GDAP2: variants seen among roughly 807,000 people sequenced by gnomAD.
The protein encoded by GDAP2 is ganglioside induced differentiation associated protein 2.
A neutral mutation model predicts 67.0 loss-of-function variants in GDAP2; 51 were observed. That is an observed-to-expected ratio of 0.76 (90% CI 0.61 to 0.96). The LOEUF is 0.96. GDAP2 is among the 40% of genes least tolerant of loss of function. GDAP2 has a pLI of 0.00. For synonymous variants in GDAP2, 203 were observed against 207.3 expected (o/e 0.98, Z 0.18); for missense variants, 547 against 588.3 (o/e 0.93, Z 0.73).
intron 11 of GDAP2, chr1:117,882,886 A>G (rs1241188127): frequency 6.6e-6 from 1 of 152,220 alleles, no homozygotes; most frequent in Non-Finnish European, 1.5e-5. Context: ...AGGAGGGTTG[A>G]GTGCCACTTT....
At position 117,867,527 on chromosome 1, in the gene GDAP2, GAAAAA is replaced by G. The variant is rs745964438; in HGVS notation, c.*3037_*3041del. 3.7e-5 allele frequency: 3 copies of G among 80,134 alleles called. No homozygotes were observed. The highest frequency in any genetic ancestry group is 7.2e-5 in the Non-Finnish European group (3 of 41,394). The allele number at this position is 80,134 out of a possible 1,614,324, so 5.0% of individuals were successfully genotyped here. ...AACATGGTGAAACCCTGTCTCTACT[GAAAAA>G]AAAAAAAAAAAAAAAAAAAATTAGC... is the stretch of plus-strand genomic sequence containing the variant. On this transcript the variant is annotated 3_prime_UTR_variant, in exon 14 of 14. Coordinates refer to ENST00000369443, the MANE Select transcript of GDAP2 (RefSeq NM_017686.4).
intron 4 of GDAP2, among the ~76,000 whole-genome samples, 184 bp downstream of exon 4, chr1:117,912,346 A>G (rs1399990063): frequency 1.3e-5 from 2 of 152,174 alleles, no homozygotes; most frequent in African/African-American, 4.8e-5. Context: ...AATCTATCCC[A>G]TTTATCCCGC....
In GDAP2 at chr1:117,883,541, G is replaced by C; in HGVS notation, c.1194C>G (p.Tyr398Ter). 3 of 1,610,062 alleles carry C rather than the reference G, an allele frequency of 1.9e-6. No homozygotes were observed. Among genetic ancestry groups the C allele is most frequent in the Non-Finnish European group, 2.5e-6 (3 of 1,176,588 alleles). ...LVYFHTLTSE[Y>*]NHLDSDFLKK... ...TCAGGAAGTCGGAGTCCAGGTGATT[G>C]TATTCGCTGGTCAGGGTGTGAAAAT... Residue 398 changes from tyrosine to a stop codon, truncating the protein, a stop_gained, in exon 11 of 14, where the codon TAC (tyrosine) becomes TAG (stop). Transcript: ENST00000369443. LOFTEE classifies it high-confidence loss of function.
intron 13 of GDAP2, chr1:117,877,179 G>T: frequency 1.9e-6 from 1 of 513,206 alleles, no homozygotes; most frequent in Non-Finnish European, 2.5e-6. Flanking sequence ...GCACATAAGG[G>T]GAAAAAAATT....
At chr1:117,928,308 C>A (rs1650533224) in intron 1 of GDAP2, among the ~76,000 whole-genome samples, 1 of 152,200 alleles carries the variant, frequency 6.6e-6, no homozygotes, top group South Asian at 2.1e-4. Context: ...ATTGATGTCA[C>A]TTACCTAGTT....
At chr1:117,894,915 G>A (rs1488958821) in intron 8 of GDAP2, among the ~76,000 whole-genome samples, 1 of 152,102 alleles carries the variant, frequency 6.6e-6, no homozygotes, top group Non-Finnish European at 1.5e-5. Context: ...ATACTTTTCT[G>A]ATGAGATTGG....
At chr1:117,883,691 C>A (rs1172569077) in intron 10 of GDAP2, 64 bp from the exon 11 acceptor site, 5 of 1,161,896 alleles carry the variant, frequency 4.3e-6, no homozygotes, top group South Asian at 1.5e-5. Context: ...TCACAGAGAC[C>A]AAGAAAAAAC....
chr1:117,881,704 C>G (rs970441993), intron 12 of GDAP2, 119 bp downstream of exon 12: 26 of 687,760 alleles, frequency 3.8e-5, no homozygotes, highest in Non-Finnish European at 6.3e-5. Flanking sequence ...ACTTAGAAAC[C>G]AGGAAATTAG....
At chr1:117,927,885 T>C (rs1650508688) in intron 1 of GDAP2, among the ~76,000 whole-genome samples, 2 of 152,196 alleles carry the variant, frequency 1.3e-5, no homozygotes, top group South Asian at 2.1e-4. Context: ...TATGTTTTAA[T>C]TGTAAATATT....
At chr1:117,882,564 G>A (rs1018789218) in intron 11 of GDAP2, among the ~76,000 whole-genome samples, 3 of 152,070 alleles carry the variant, frequency 2.0e-5, no homozygotes, top group African/African-American at 7.2e-5. Context: ...ATTGGGTCAC[G>A]TGAAGTTAAT....
intron 1 of GDAP2, among the ~76,000 whole-genome samples, chr1:117,927,342 G>A (rs1459912482): frequency 6.6e-6 from 1 of 151,946 alleles, no homozygotes; most frequent in African/African-American, 2.4e-5. Context: ...GCAAAATTGG[G>A]CATAATACCT....
At chr1:117,914,322 C>T (rs753636887) in intron 3 of GDAP2, among the ~76,000 whole-genome samples, 18 of 152,000 alleles carry the variant, frequency 1.2e-4, no homozygotes, top group Non-Finnish European at 1.6e-4. Flanking sequence ...TATGTAACTG[C>T]TATAGCCAAG....
chr1:117,877,908 A>G (rs1471459804), intron 13 of GDAP2, 101 bp downstream of exon 13: 3 of 1,412,492 alleles, frequency 2.1e-6, no homozygotes, highest in Admixed American at 4.9e-5. Context: ...ACTAATTTAC[A>G]TTAATATCTG....
At chr1:117,920,708 C>A in intron 1 of GDAP2, among the ~76,000 whole-genome samples, 1 of 147,356 alleles carries the variant, frequency 6.8e-6, no homozygotes, top group Non-Finnish European at 1.5e-5. Flanking sequence ...CAGGACTATT[C>A]ATTCAACATT....
chr1:117,900,760 T>C (rs1649426344), intron 6 of GDAP2, among the ~76,000 whole-genome samples: 1 of 138,798 alleles, frequency 7.2e-6, no homozygotes, highest in Non-Finnish European at 1.5e-5. Context: ...TGAGACTCCA[T>C]CTCAAAAAAA....
chr1:117,909,791 C>A (rs1235710935), intron 5 of GDAP2, among the ~76,000 whole-genome samples: 1 of 152,164 alleles, frequency 6.6e-6, no homozygotes. Flanking sequence ...AAGTTGACCT[C>A]TTTCATAGTA....
chr1:117,914,986 G>A (rs1649999230), intron 3 of GDAP2, among the ~76,000 whole-genome samples: 1 of 152,084 alleles, frequency 6.6e-6, no homozygotes, highest in African/African-American at 2.4e-5. Context: ...TTCCAGAACA[G>A]TAACTGTGCA....
intron 6 of GDAP2, among the ~76,000 whole-genome samples, chr1:117,901,976 C>T (rs1649486265): frequency 6.6e-6 from 1 of 152,196 alleles, no homozygotes; most frequent in Non-Finnish European, 1.5e-5. Flanking sequence ...CAGTCCTAAA[C>T]TGTAAGTCCT....
At position 117,865,284 on chromosome 1, in the gene GDAP2, A is replaced by G. The variant is rs1033136765; in HGVS notation, c.*5285T>C. The G allele has an allele frequency of 6.6e-6, 1 of 152,184 alleles. No individual in the cohort carries two copies. The highest frequency in any genetic ancestry group is 1.5e-5 in the Non-Finnish European group (1 of 68,038). 9.4% of individuals were successfully genotyped at this position (152,184 alleles called of 1,614,324 possible). ...CATCCTGGGGTTCAATATAAACACTATTATTTCACTATTGATTCTTCATAG... is the reference window on the plus strand; with the variant it reads ...CATCCTGGGGTTCAATATAAACACTGTTATTTCACTATTGATTCTTCATAG... On this transcript the variant is annotated 3_prime_UTR_variant, in exon 14 of 14. Coordinates refer to ENST00000369443, the MANE Select transcript of GDAP2 (RefSeq NM_017686.4).
Sources: allele counts gnomAD v4.1 joint callset (sites outside exome capture counted in the v4.1 genomes callset), GRCh38; gene constraint gnomAD v4.1.1; transcripts MANE v1.5; gene names NCBI Gene and HGNC (gene_info 2026-07-23, HGNC 2026-07-21).